The following MED13L variants were observed in gnomAD, a reference collection of about 807,000 sequenced individuals.
The protein encoded by MED13L is mediator complex subunit 13L, also known as mediator of RNA polymerase II transcription subunit 13-like.
Under a neutral mutation model 220.9 loss-of-function variants are expected in MED13L, and 7 were observed. The ratio of observed to expected loss-of-function variants is 0.03; its 90% CI spans 0.02 to 0.06. The LOEUF is 0.06. MED13L is among the 10% of genes least tolerant of loss of function. MED13L has a pLI of 1.00. For synonymous variants in MED13L, 1,011 were observed against 1,015.2 expected, an observed-to-expected ratio of 1.00 and a Z score of 0.08; for missense variants, 1,965 against 2,760.5, an observed-to-expected ratio of 0.71 and a Z score of 6.46.
intron 4 of MED13L, among the ~76,000 whole-genome samples, chr12:116,070,246 GT>G (rs1252399963): frequency 6.6e-6 from 1 of 152,140 alleles, no homozygotes; most frequent in East Asian, 1.9e-4. Flanking sequence ...CCAAATCCAT[GT>G]TAATAGCTAT....
At chr12:116,006,239 G>A (rs1879039230) in intron 12 of MED13L, 67 bp downstream of exon 12, 2 of 1,415,964 alleles carry the variant, frequency 1.4e-6, no homozygotes, top group Non-Finnish European at 2.0e-6. Flanking sequence ...ATTTTACATT[G>A]AGAAGCATCT....
At chr12:116,006,273 A>G in intron 12 of MED13L, 33 bp downstream of exon 12, 1 of 1,576,378 alleles carries the variant, frequency 6.3e-7, no homozygotes, top group Admixed American at 1.7e-5. Flanking sequence ...TTTTAGCAAC[A>G]ATCCAAGTGA....
chr12:115,975,864 C>T, intron 23 of MED13L, 126 bp from the exon 24 acceptor site: 1 of 822,484 alleles, frequency 1.2e-6, no homozygotes, highest in South Asian at 1.5e-5. Flanking sequence ...CTCTCTCTCT[C>T]TCCAGTACTA....
intron 4 of MED13L, among the ~76,000 whole-genome samples, chr12:116,027,248 C>T (rs1418831585): frequency 6.6e-6 from 1 of 152,114 alleles, no homozygotes; most frequent in Non-Finnish European, 1.5e-5. Context: ...ATGGCCAAAA[C>T]CACATCTCTA....
intron 2 of MED13L, chr12:116,232,203 AG>A (rs1394098888): frequency 1.1e-6 from 1 of 909,674 alleles, no homozygotes; most frequent in East Asian, 1.2e-4. Flanking sequence ...TTCACAACAA[AG>A]GGTAATAACT....
At chr12:116,067,948 G>A (rs1485062701) in intron 4 of MED13L, among the ~76,000 whole-genome samples, 1 of 152,190 alleles carries the variant, frequency 6.6e-6, no homozygotes, top group African/African-American at 2.4e-5. Context: ...CTTATCCAAA[G>A]TGTTGGACAG....
chr12:116,007,735 T>C (rs912557706), intron 10 of MED13L, 99 bp from the exon 11 acceptor site: 25 of 956,936 alleles, frequency 2.6e-5, no homozygotes, highest in Non-Finnish European at 3.2e-5. Context: ...TTCACCGATA[T>C]AGTGATTTGC....
chr12:115,982,747 C>T (rs1293852236), intron 21 of MED13L, 144 bp from the exon 22 acceptor site: 1 of 841,682 alleles, frequency 1.2e-6, no homozygotes, highest in Non-Finnish European at 1.9e-6. Context: ...ATCACCTTAC[C>T]AAAATACAGG....
intron 4 of MED13L, among the ~76,000 whole-genome samples, chr12:116,032,115 G>A (rs1880888332): frequency 6.6e-6 from 1 of 152,058 alleles, no homozygotes. Context: ...TCTGTTTGAA[G>A]AATATAAAAG....
chr12:116,120,163 TG>T (rs1343386655), intron 2 of MED13L, among the ~76,000 whole-genome samples: 1 of 152,006 alleles, frequency 6.6e-6, no homozygotes, highest in Non-Finnish European at 1.5e-5. Flanking sequence ...AGAGGATTAG[TG>T]GTACAGATGG....
At chr12:116,099,562 G>C (rs937382943) in intron 3 of MED13L, among the ~76,000 whole-genome samples, 8 of 152,084 alleles carry the variant, frequency 5.3e-5, no homozygotes, top group Non-Finnish European at 8.8e-5. Context: ...TAAATTTACA[G>C]TGTACAGAAA....
chr12:116,118,846 C>T (rs1874754468), intron 2 of MED13L, among the ~76,000 whole-genome samples: 2 of 152,114 alleles, frequency 1.3e-5, no homozygotes, highest in South Asian at 4.2e-4. Flanking sequence ...TATGTGCAAA[C>T]CACTCGGAAG....
intron 4 of MED13L, among the ~76,000 whole-genome samples, chr12:116,039,518 T>C (rs1881396212): frequency 6.6e-6 from 1 of 152,222 alleles, no homozygotes; most frequent in Non-Finnish European, 1.5e-5. Flanking sequence ...CCATCTGCAT[T>C]GCTCATGATC....
intron 9 of MED13L, among the ~76,000 whole-genome samples, chr12:116,011,496 T>G (rs1344313840): frequency 6.6e-6 from 1 of 152,070 alleles, no homozygotes; most frequent in East Asian, 1.9e-4. Flanking sequence ...GCAGGGAAAA[T>G]AAGATGAAAG....
chr12:116,007,043 G>A (rs1879092049), intron 11 of MED13L: 2 of 324,230 alleles, frequency 6.2e-6, no homozygotes, highest in Middle Eastern at 1.0e-3. Context: ...TCGATAAATT[G>A]TGTATACCTA....
chr12:116,241,341 A>ACACAC (rs996038332), intron 1 of MED13L, among the ~76,000 whole-genome samples: 2 of 149,210 alleles, frequency 1.3e-5, no homozygotes, highest in South Asian at 2.1e-4. Context: ...ACAAAAAAAA[A>ACACAC]ACACACACAC....
Position 116,007,561 on chromosome 12 carries a change from A to G in MED13L, c.2088T>C (p.Leu696=). 1 of 1,613,460 alleles carries G rather than the reference A, an allele frequency of 6.2e-7. No individual in the cohort carries two copies. Among genetic ancestry groups the G allele is most frequent in the Non-Finnish European group, 8.5e-7 (1 of 1,179,892 alleles). ...GTTGTTGTGATAGAGGCAATGGGTC[A>G]AGGAAGTGGAGTGGCTGCAACTGGG... ...KQPQLQPLHF[L]DPLPLSQQPG... Residue 696 remains leucine (L), a synonymous_variant, in exon 11 of 31, where the codon CTT becomes CTC. Coordinates refer to ENST00000281928, the MANE Select transcript of MED13L (RefSeq NM_015335.5).
At chr12:116,039,810 TCAAG>T (rs1881414538) in intron 4 of MED13L, among the ~76,000 whole-genome samples, 1 of 151,922 alleles carries the variant, frequency 6.6e-6, no homozygotes, top group African/African-American at 2.4e-5. Flanking sequence ...GACATGACAC[TCAAG>T]CAGAGACACC....
intron 1 of MED13L, among the ~76,000 whole-genome samples, chr12:116,257,526 T>C (rs1322474657): frequency 6.6e-6 from 1 of 152,190 alleles, no homozygotes; most frequent in Non-Finnish European, 1.5e-5. Context: ...TCTTGAACTA[T>C]ATGCCATAAA....
Sources: gnomAD v4.1 joint callset for allele counts (sites outside exome capture counted in the v4.1 genomes callset) on GRCh38, gnomAD v4.1.1 for gene constraint, MANE v1.5 for transcripts, NCBI Gene and HGNC (gene_info 2026-07-23, HGNC 2026-07-21) for gene names.